Variants in COL24A1 observed in about 807,000 individuals in gnomAD.
COL24A1 encodes the protein collagen alpha-1(XXIV) chain.
Under a neutral mutation model 253.9 loss-of-function variants are expected in COL24A1, and 224 were observed. The observed-to-expected ratio is 0.88, with a 90% CI of 0.79 to 0.99. The LOEUF (loss-of-function observed/expected upper bound fraction) is 0.99, where lower values mean the gene tolerates loss of function less well. Ranked by LOEUF, COL24A1 falls within the 50% of genes least tolerant of loss-of-function variation. The pLI, the probability that COL24A1 is intolerant of heterozygous loss-of-function variation, is 0.00. For synonymous variants in COL24A1, 685 were observed against 673.7 expected, an observed-to-expected ratio of 1.02 and a Z score of -0.26; for missense variants, 2,131 against 2,068.5, an observed-to-expected ratio of 1.03 and a Z score of -0.59.
Position 85,792,808 on chromosome 1 carries a change from A to C in COL24A1, c.3952-6347T>G, listed in dbSNP as rs145678986. 5.2e-3 allele frequency among the ~76,000 whole-genome samples: 788 copies of C among 152,236 alleles called. 7 individuals carry two copies. Among genetic ancestry groups the C allele is most frequent in the South Asian group, 0.016 (79 of 4,824 alleles). On this transcript the variant is annotated intron_variant, in intron 47 of 59. Coordinates refer to ENST00000370571, the MANE Select transcript of COL24A1 (RefSeq NM_152890.7). Reference sequence around the variant, plus strand: ...TATAATGACAGCAAAAGTTTTAAAAAAATTCCTAAGAAGAGAGATGTAATG... The same window carrying C: ...TATAATGACAGCAAAAGTTTTAAAACAATTCCTAAGAAGAGAGATGTAATG...
At chr1:86,145,350 G>GA (rs1651727094) in intron 2 of COL24A1, among the ~76,000 whole-genome samples, 1 of 152,124 alleles carries the variant, frequency 6.6e-6, no homozygotes, top group Non-Finnish European at 1.5e-5. Context: ...AGGCAGAGGA[G>GA]AAAAACAAAC....
At chr1:85,754,484 A>G (rs1446346374) in intron 55 of COL24A1, among the ~76,000 whole-genome samples, 2 of 113,042 alleles carry the variant, frequency 1.8e-5, no homozygotes, top group African/African-American at 3.4e-5. Context: ...ACATGTATAC[A>G]TATGTAACTA....
chr1:85,828,954 G>C (rs974670861), intron 43 of COL24A1, among the ~76,000 whole-genome samples: 3 of 151,492 alleles, frequency 2.0e-5, no homozygotes, highest in Middle Eastern at 3.4e-3. Context: ...GTGTGAATTT[G>C]ATCCTGTCAT....
intron 5 of COL24A1, among the ~76,000 whole-genome samples, chr1:86,102,029 C>A (rs1170562137): frequency 2.7e-5 from 4 of 150,214 alleles, no homozygotes; most frequent in African/African-American, 7.3e-5. Context: ...TTTTTTTTAA[C>A]CAAAAAAAGG....
chr1:85,870,418 T>C (rs929900586), intron 35 of COL24A1, among the ~76,000 whole-genome samples: 6 of 152,172 alleles, frequency 3.9e-5, no homozygotes, highest in African/African-American at 9.7e-5. Flanking sequence ...CATATCACAC[T>C]TATTCCAAAA....
At chr1:85,763,616 C>G (rs924608372) in intron 53 of COL24A1, among the ~76,000 whole-genome samples, 2 of 151,002 alleles carry the variant, frequency 1.3e-5, no homozygotes, top group African/African-American at 4.9e-5. Flanking sequence ...CTCAGCCTTC[C>G]GAGTAGCTGG....
intron 20 of COL24A1, among the ~76,000 whole-genome samples, chr1:85,983,551 C>A (rs1343295766): frequency 6.6e-6 from 1 of 151,826 alleles, no homozygotes; most frequent in Non-Finnish European, 1.5e-5. Context: ...ATAGGGTAAC[C>A]ATGTATTTCA....
chr1:85,840,056 C>T (rs115555440), intron 42 of COL24A1, among the ~76,000 whole-genome samples: 212 of 152,294 alleles, frequency 1.4e-3, no homozygotes, highest in Non-Finnish European at 2.3e-3. Context: ...ACTACAATCT[C>T]TGACTCTGCT....
chr1:86,022,109 T>C (rs746996665), intron 18 of COL24A1, 131 bp downstream of exon 18: 14 of 802,530 alleles, frequency 1.7e-5, no homozygotes, highest in Non-Finnish European at 2.5e-5. Flanking sequence ...CCTGAGGGAT[T>C]TGCTATATTC....
At chr1:86,124,088 G>A (rs1647843204) in intron 3 of COL24A1, among the ~76,000 whole-genome samples, 1 of 151,926 alleles carries the variant, frequency 6.6e-6, no homozygotes. Context: ...ACTTTAAGTG[G>A]TTTTTAAATG....
intron 35 of COL24A1, among the ~76,000 whole-genome samples, chr1:85,870,825 G>A (rs115646722): frequency 0.043 from 6,584 of 152,134 alleles, 217 homozygotes; most frequent in Middle Eastern, 0.082. Flanking sequence ...AAAGCACACC[G>A]AAGGCAAGAA....
chr1:86,091,087 T>A (rs1280467642), intron 6 of COL24A1, among the ~76,000 whole-genome samples: 1 of 152,092 alleles, frequency 6.6e-6, no homozygotes, highest in African/African-American at 2.4e-5. Flanking sequence ...GTGTTTCTCA[T>A]ATTGCAGAAT....
intron 7 of COL24A1, among the ~76,000 whole-genome samples, chr1:86,071,877 G>A (rs1190207391): frequency 1.3e-5 from 2 of 152,100 alleles, no homozygotes; most frequent in Non-Finnish European, 2.9e-5. Context: ...AAGCAGGGTG[G>A]GGTGTTGCCT....
At chr1:86,035,407 T>C (rs1175463089) in intron 12 of COL24A1, among the ~76,000 whole-genome samples, 1 of 152,052 alleles carries the variant, frequency 6.6e-6, no homozygotes, top group East Asian at 1.9e-4. Context: ...ACATAAGAGA[T>C]GATTGATTTT....
chr1:85,807,285 C>A (rs1172210454), intron 47 of COL24A1, among the ~76,000 whole-genome samples: 2 of 152,140 alleles, frequency 1.3e-5, no homozygotes, highest in Admixed American at 1.3e-4. Context: ...TTATTGCAAT[C>A]GAATCAGCTA....
At position 86,087,830 on chromosome 1, in the gene COL24A1, T is replaced by G. The variant is rs1405240588; in HGVS notation, c.1707+1344A>C. ...GTCAGAAAAGATCACTGCAGTTTCA[T>G]GTCTCCTTGCGGGGGCAACCAACAA... is the stretch of plus-strand genomic sequence containing the variant. On this transcript the variant is annotated intron_variant, in intron 7 of 59. Coordinates refer to ENST00000370571, the MANE Select transcript of COL24A1 (RefSeq NM_152890.7). Among the ~76,000 whole-genome samples the G allele has an allele frequency of 2.6e-5, 4 of 152,188 alleles. No individual in the cohort carries two copies. The East Asian group carries it at 7.7e-4, about 29-fold the overall frequency.
intron 2 of COL24A1, among the ~76,000 whole-genome samples, chr1:86,137,978 T>C (rs1650497102): frequency 6.6e-6 from 1 of 152,152 alleles, no homozygotes; most frequent in Non-Finnish European, 1.5e-5. Flanking sequence ...ATGCCATTTA[T>C]TCTCTTCTTA....
chr1:85,774,680 T>G (rs1458263582), intron 53 of COL24A1, among the ~76,000 whole-genome samples: 1 of 152,344 alleles, frequency 6.6e-6, no homozygotes, highest in East Asian at 1.9e-4. Context: ...TAGTATTCTC[T>G]GTTAGTGGTT....
At chr1:85,860,035 C>T (rs189044815) in intron 37 of COL24A1, among the ~76,000 whole-genome samples, 44 of 146,492 alleles carry the variant, frequency 3.0e-4, no homozygotes, top group Middle Eastern at 3.4e-3. Flanking sequence ...GTGTTGCTTA[C>T]TAATAAAATA....
Sources: allele counts gnomAD v4.1 joint callset (sites outside exome capture counted in the v4.1 genomes callset), GRCh38; gene constraint gnomAD v4.1.1; transcripts MANE v1.5; gene names NCBI Gene and HGNC (gene_info 2026-07-23, HGNC 2026-07-21).